The following ASIC2 variants were observed in gnomAD, a reference collection of about 807,000 sequenced individuals.
The protein encoded by ASIC2 is acid-sensing ion channel 2.
Under a neutral mutation model 57.3 loss-of-function variants are expected in ASIC2, and 25 were observed. The ratio of observed to expected loss-of-function variants is 0.44; its 90% confidence interval spans 0.32 to 0.61. The LOEUF (loss-of-function observed/expected upper bound fraction) is 0.61. ASIC2 is among the 20% of genes least tolerant of loss of function. The pLI, the probability that ASIC2 is intolerant of heterozygous loss-of-function variation, is 0.06. For synonymous variants in ASIC2, 319 were observed against 307.5 expected (o/e 1.04, Z -0.39); for missense variants, 641 against 738.1 (o/e 0.87, Z 1.52).
intron 1 of ASIC2, among the ~76,000 whole-genome samples, chr17:33,272,683 T>C (rs773399045): frequency 6.6e-6 from 1 of 152,160 alleles, no homozygotes; most frequent in Admixed American, 6.5e-5. Flanking sequence ...TTGTCATCAC[T>C]ATCATCATCC....
intron 1 of ASIC2, among the ~76,000 whole-genome samples, chr17:34,057,751 G>A (rs1042320927): frequency 2.0e-5 from 3 of 152,102 alleles, no homozygotes; most frequent in African/African-American, 4.8e-5. Flanking sequence ...CAGAGAAGAA[G>A]GTAGAAGTTC....
At chr17:33,095,745 CTGGACCATCCCCTGAAGGGCCG>C (rs1343415976) in intron 2 of ASIC2, among the ~76,000 whole-genome samples, 24 of 152,370 alleles carry the variant, frequency 1.6e-4, no homozygotes, top group Admixed American at 7.2e-4. Flanking sequence ...CAAAGTCTGC[CTGGACCATCCCCTGAAGGGCCG>C]TGGTTGGCAT....
intron 1 of ASIC2, among the ~76,000 whole-genome samples, chr17:33,791,145 G>A (rs1344961502): frequency 2.6e-5 from 4 of 152,262 alleles, no homozygotes; most frequent in African/African-American, 2.4e-5. Context: ...CAGGAGTCAC[G>A]AACAATGAGA....
At chr17:33,427,132 C>G (rs1031475657) in intron 1 of ASIC2, among the ~76,000 whole-genome samples, 2 of 152,132 alleles carry the variant, frequency 1.3e-5, no homozygotes, top group South Asian at 2.1e-4. Flanking sequence ...ATCAGCCCAT[C>G]GATCAGAAGG....
intron 1 of ASIC2, among the ~76,000 whole-genome samples, chr17:33,192,867 C>T (rs1317225714): frequency 2.0e-5 from 3 of 152,150 alleles, no homozygotes; most frequent in South Asian, 4.1e-4. Context: ...TAAAAATACA[C>T]ATTTTTTTCC....
At chr17:33,649,306 T>C (rs1412334705) in intron 1 of ASIC2, among the ~76,000 whole-genome samples, 2 of 152,158 alleles carry the variant, frequency 1.3e-5, no homozygotes, top group African/African-American at 2.4e-5. Context: ...ATATTTACAA[T>C]TGCTCAAAAA....
chr17:34,059,306 C>T (rs1908883109), intron 1 of ASIC2, among the ~76,000 whole-genome samples: 1 of 152,158 alleles, frequency 6.6e-6, no homozygotes, highest in Non-Finnish European at 1.5e-5. Flanking sequence ...AGTTAGAGAG[C>T]TGAGCAAAAT....
At chr17:33,551,510 T>A (rs1379867937) in intron 1 of ASIC2, among the ~76,000 whole-genome samples, 1 of 152,196 alleles carries the variant, frequency 6.6e-6, no homozygotes, top group Non-Finnish European at 1.5e-5. Context: ...GCTGTACCAA[T>A]GACCAATCAA....
chr17:33,669,508 C>A (rs1203644543), intron 1 of ASIC2, among the ~76,000 whole-genome samples: 2 of 152,162 alleles, frequency 1.3e-5, no homozygotes, highest in Non-Finnish European at 2.9e-5. Flanking sequence ...ATTTCCTTCA[C>A]CTTCAGCAGC....
At chr17:33,613,462 T>C (rs1240462127) in intron 1 of ASIC2, among the ~76,000 whole-genome samples, 3 of 151,470 alleles carry the variant, frequency 2.0e-5, no homozygotes, top group African/African-American at 7.3e-5. Flanking sequence ...CCTTCCGGAT[T>C]CACACCATTC....
chr17:33,752,096 T>TA (rs1487666484), intron 1 of ASIC2, among the ~76,000 whole-genome samples: 15 of 152,150 alleles, frequency 9.9e-5, no homozygotes, highest in African/African-American at 3.6e-4. Flanking sequence ...CCCTGCCCTC[T>TA]AGAAGGTTGC....
At chr17:33,736,247 A>C (rs571093563) in intron 1 of ASIC2, among the ~76,000 whole-genome samples, 2 of 152,064 alleles carry the variant, frequency 1.3e-5, no homozygotes, top group South Asian at 2.1e-4. Context: ...GAAATAGGAA[A>C]TCATCCTGCC....
intron 1 of ASIC2, among the ~76,000 whole-genome samples, chr17:33,324,688 C>T (rs1227889564): frequency 1.3e-5 from 2 of 152,164 alleles, no homozygotes; most frequent in Admixed American, 1.3e-4. Flanking sequence ...ACTGAACCCA[C>T]CTTTGTGTTC....
chr17:33,123,849 C>T (rs115013054), intron 1 of ASIC2, among the ~76,000 whole-genome samples: 8 of 152,250 alleles, frequency 5.3e-5, no homozygotes, highest in East Asian at 3.9e-4. Flanking sequence ...TCCCTTCTTT[C>T]GTGCAGGTGT....
intron 1 of ASIC2, among the ~76,000 whole-genome samples, chr17:33,130,257 T>C (rs1371691303): frequency 2.0e-5 from 3 of 152,154 alleles, no homozygotes; most frequent in Non-Finnish European, 2.9e-5. Flanking sequence ...CGTTAAATTC[T>C]CCTCTTTTTC....
intron 1 of ASIC2, among the ~76,000 whole-genome samples, chr17:34,131,591 G>A (rs961057483): frequency 6.6e-6 from 1 of 152,010 alleles, no homozygotes; most frequent in Non-Finnish European, 1.5e-5. Context: ...AACCATTCCT[G>A]GGGGGAAGCC....
intron 1 of ASIC2, among the ~76,000 whole-genome samples, chr17:33,356,199 T>C (rs1360952906): frequency 6.6e-6 from 1 of 152,218 alleles, no homozygotes; most frequent in Non-Finnish European, 1.5e-5. Flanking sequence ...GAGTGACACC[T>C]GGCCTGATTA....
chr17:33,527,514 G>A (rs1445729329), intron 1 of ASIC2, among the ~76,000 whole-genome samples: 2 of 152,152 alleles, frequency 1.3e-5, no homozygotes, highest in African/African-American at 4.8e-5. Flanking sequence ...GCTCCAGTGG[G>A]TGAAAAATGA....
chr17:33,076,610 A>T (rs2141954537), intron 3 of ASIC2, among the ~76,000 whole-genome samples: 1 of 152,376 alleles, frequency 6.6e-6, no homozygotes, highest in South Asian at 2.1e-4. Context: ...GCTGATATGC[A>T]TACATGCACA....
Sources: gnomAD v4.1 joint callset for allele counts (sites outside exome capture counted in the v4.1 genomes callset) on GRCh38, gnomAD v4.1.1 for gene constraint, MANE v1.5 for transcripts, NCBI Gene and HGNC (gene_info 2026-07-23, HGNC 2026-07-21) for gene names.